Variants in GLMN observed in about 807,000 individuals in gnomAD.
The protein encoded by GLMN is glomulin, FKBP associated protein.
GLMN carries 75 observed loss-of-function variants against 87.8 expected under a neutral mutation model. That is an observed-to-expected ratio of 0.85 (90% CI 0.71 to 1.04). The LOEUF (loss-of-function observed/expected upper bound fraction) is 1.04. Among genes scored for constraint, GLMN ranks in the 50% least tolerant of loss-of-function variants. The pLI, the probability that GLMN is intolerant of heterozygous loss-of-function variation, is 0.00. For missense variants in GLMN, 588 were observed against 658.8 expected, an observed-to-expected ratio of 0.89 and a Z score of 1.18; for synonymous variants, 206 against 221.6, an observed-to-expected ratio of 0.93 and a Z score of 0.63.
At chr1:92,338,801 A>G in the GLMN span, among the ~76,000 whole-genome samples, 1,246 of 151,826 alleles carry the variant, frequency 8.2e-3, 14 homozygotes, top group African/African-American at 0.029. Flanking sequence ...GATAGGGGTC[A>G]GTCTCACTAT....
At chr1:92,331,334 A>G in the GLMN span, among the ~76,000 whole-genome samples, 1 of 152,136 alleles carries the variant, frequency 6.6e-6, no homozygotes, top group Non-Finnish European at 1.5e-5. Context: ...TTTGCATTTC[A>G]TGTCACAATT....
At position 92,255,610 on chromosome 1, in the gene GLMN, A is replaced by C. The variant is rs578177400; in HGVS notation, c.1473+7253T>G. Among the ~76,000 whole-genome samples the C allele has an allele frequency of 2.0e-5, 3 of 152,314 alleles. No homozygotes were observed. In the East Asian group the frequency reaches 5.8e-4, roughly 29 times the overall value. ...AGTAGAACTCAGGATTAAGAAACTC[A>C]CTCAAAACCACAGAACTACATGGAA... On this transcript the variant is annotated intron_variant, in intron 16 of 18. Transcript: ENST00000370360.
the GLMN span, among the ~76,000 whole-genome samples, chr1:92,337,151 G>C: frequency 6.6e-6 from 1 of 152,024 alleles, no homozygotes; most frequent in African/African-American, 2.4e-5. Context: ...CACTGACACA[G>C]AATAAACTTC....
At chr1:92,291,632 A>C (rs1006691928) in intron 3 of GLMN, 95 bp from the exon 4 acceptor site, 3 of 1,240,660 alleles carry the variant, frequency 2.4e-6, no homozygotes, top group African/African-American at 3.0e-5. Context: ...ATTGTTTCTG[A>C]AATAGGAAGA....
intron 16 of GLMN, among the ~76,000 whole-genome samples, chr1:92,255,824 T>C (rs1654154554): frequency 6.6e-6 from 1 of 152,018 alleles, no homozygotes; most frequent in African/African-American, 2.4e-5. Context: ...AGATCTAAAA[T>C]CGACGACCTA....
chr1:92,274,428 A>T (rs1012804435), intron 7 of GLMN, among the ~76,000 whole-genome samples: 1 of 152,152 alleles, frequency 6.6e-6, no homozygotes, highest in Non-Finnish European at 1.5e-5. Flanking sequence ...TTTGATGCAG[A>T]TAACATACTG....
At chr1:92,264,829 G>C (rs1284075052) in intron 13 of GLMN, among the ~76,000 whole-genome samples, 191 bp from the exon 14 acceptor site, 1 of 152,030 alleles carries the variant, frequency 6.6e-6, no homozygotes. Context: ...TCACTAAATG[G>C]TAAATTCTTA....
At chr1:92,265,410 C>T (rs1655508085) in intron 13 of GLMN, among the ~76,000 whole-genome samples, 1 of 151,798 alleles carries the variant, frequency 6.6e-6, no homozygotes, top group Non-Finnish European at 1.5e-5. Context: ...AACAGGAAAG[C>T]CGGTATAATA....
At chr1:92,256,121 C>T (rs1414446522) in intron 16 of GLMN, among the ~76,000 whole-genome samples, 3 of 152,060 alleles carry the variant, frequency 2.0e-5, no homozygotes, top group African/African-American at 7.2e-5. Flanking sequence ...ACTATAAACA[C>T]CTCTATGCAA....
chr1:92,255,911 T>C (rs1654167939), intron 16 of GLMN, among the ~76,000 whole-genome samples: 1 of 151,674 alleles, frequency 6.6e-6, no homozygotes, highest in Admixed American at 6.6e-5. Flanking sequence ...ACAACTAAGA[T>C]CAGAGCACAA....
At chr1:92,293,546 G>A (rs1232406826) in intron 3 of GLMN, among the ~76,000 whole-genome samples, 1 of 151,852 alleles carries the variant, frequency 6.6e-6, no homozygotes, top group Non-Finnish European at 1.5e-5. Flanking sequence ...GAACAGTTTG[G>A]CAGTTCCTCA....
chr1:92,327,631 G>A, the GLMN span, among the ~76,000 whole-genome samples: 19 of 152,012 alleles, frequency 1.2e-4, no homozygotes, highest in African/African-American at 4.6e-4. Context: ...TTTTTAAGTG[G>A]AGCATTTAGG....
At chr1:92,270,704 CAT>C (rs1278803079) in intron 8 of GLMN, among the ~76,000 whole-genome samples, 2 of 151,816 alleles carry the variant, frequency 1.3e-5, no homozygotes, top group African/African-American at 4.8e-5. Flanking sequence ...TTTTAATAAA[CAT>C]TGTGGGAAAA....
intron 13 of GLMN, among the ~76,000 whole-genome samples, chr1:92,265,418 A>G (rs115558419): frequency 3.0e-3 from 460 of 152,306 alleles, no homozygotes; most frequent in African/African-American, 9.6e-3. Flanking sequence ...AGCCGGTATA[A>G]TACCTAAGAA....
chr1:92,285,013 G>C lies in GLMN; in HGVS notation c.735+1477C>G, dbSNP rs558094305. On this transcript the variant is annotated intron_variant, in intron 7 of 18. Coordinates refer to ENST00000370360, the MANE Select transcript of GLMN (RefSeq NM_053274.3). ...AAATAGGAACGCTTTTACACTGTTG[G>C]TGGGAGTGTAAATTAGTTCAACCAT... 7.9e-5 allele frequency among the ~76,000 whole-genome samples: 12 copies of C among 152,288 alleles called. No individual in the cohort carries two copies. In the South Asian group the frequency reaches 2.5e-3, roughly 32 times the overall value.
At chr1:92,262,752 G>T in intron 16 of GLMN, 111 bp downstream of exon 16, 1 of 614,274 alleles carries the variant, frequency 1.6e-6, no homozygotes, top group Non-Finnish European at 3.1e-6. Flanking sequence ...ACTCTTCCCG[G>T]CCTTTATATC....
At chr1:92,304,243 T>C in the GLMN span, 15 of 1,317,624 alleles carry the variant, frequency 1.1e-5, no homozygotes, top group Non-Finnish European at 1.5e-5. Context: ...TTCATGTTTA[T>C]TATTTGGATT....
chr1:92,249,866 GTGATACTGTCTTTC>G (rs1176612164), intron 16 of GLMN, among the ~76,000 whole-genome samples: 1 of 152,142 alleles, frequency 6.6e-6, no homozygotes, highest in Non-Finnish European at 1.5e-5. Context: ...GTGAGAATAT[GTGATACTGTCTTTC>G]TGGGCCTGGC....
At position 92,246,453 on chromosome 1, in the gene GLMN, A is replaced by AT; in HGVS notation, c.*76dup. 1.4e-6 allele frequency: 1 copy of AT among 713,734 alleles called. No homozygotes were observed. Among genetic ancestry groups the AT allele is most frequent in the Non-Finnish European group, 2.5e-6 (1 of 405,350 alleles). 44.2% of individuals were successfully genotyped at this position (713,734 alleles called of 1,614,324 possible). A position where few individuals can be genotyped will look rare whatever the true frequency, so the allele number is the denominator to read the frequency against. ...TCAAGCAGTAAATTTTTACAGAAAA[A>AT]TTTTTTATAAAGGTATTAAATGAAT... On this transcript the variant is annotated 3_prime_UTR_variant, in exon 19 of 19. Coordinates refer to ENST00000370360, the MANE Select transcript of GLMN (RefSeq NM_053274.3).
Sources: gnomAD v4.1 joint callset for allele counts (sites outside exome capture counted in the v4.1 genomes callset) on GRCh38, gnomAD v4.1.1 for gene constraint, MANE v1.5 for transcripts, NCBI Gene and HGNC (gene_info 2026-07-23, HGNC 2026-07-21) for gene names.